DNAAF9: variants seen among roughly 807,000 people sequenced by gnomAD.
DNAAF9 encodes the protein shulin.
DNAAF9 carries 90 observed loss-of-function variants against 167.0 expected under a neutral mutation model. That is an observed-to-expected ratio of 0.54 (90% CI 0.45 to 0.64). The LOEUF (loss-of-function observed/expected upper bound fraction) is 0.64, where lower values mean the gene tolerates loss of function less well. DNAAF9 is among the 30% of genes least tolerant of loss of function. The pLI is 0.00. For synonymous variants in DNAAF9, 491 were observed against 508.8 expected, an observed-to-expected ratio of 0.96 and a Z score of 0.47; for missense variants, 1,315 against 1,442.2, an observed-to-expected ratio of 0.91 and a Z score of 1.43.
chr20:3,288,121 G>T (rs1317718276), intron 26 of DNAAF9, among the ~76,000 whole-genome samples: 1 of 152,228 alleles, frequency 6.6e-6, no homozygotes, highest in African/African-American at 2.4e-5. Flanking sequence ...CCATGCAAAA[G>T]ATGGCTTCAG....
chr20:3,368,689 T>C (rs1201516753), intron 6 of DNAAF9, among the ~76,000 whole-genome samples: 1 of 148,282 alleles, frequency 6.7e-6, no homozygotes, highest in African/African-American at 2.5e-5. Flanking sequence ...ATTTTTGTAT[T>C]TTTTTTTTTA....
chr20:3,256,093 G>A lies in DNAAF9; in HGVS notation c.3174C>T (p.Ser1058=), dbSNP rs749641626. Residue 1058 remains serine (S), a synonymous_variant, in exon 34 of 37, where the codon AGC becomes AGT. Transcript: ENST00000252032. ...PDSKSVSQDS[S]GQQECYLVFI... is the part of the protein sequence containing the mutation. ...ACACAAGGTAGCACTCCTGCTGCCC[G>A]CTGCTGTCTTGAGATACGCTTTTGG... 4.3e-6 allele frequency: 7 copies of A among 1,613,948 alleles called. No homozygotes were observed. The South Asian group carries it at 5.5e-5, about 13-fold the overall frequency.
chr20:3,318,446 T>C (rs573295867), intron 16 of DNAAF9, 46 bp from the exon 17 acceptor site: 33 of 936,296 alleles, frequency 3.5e-5, no homozygotes, highest in East Asian at 7.2e-5. Flanking sequence ...AGCCCAAAAC[T>C]TTCAGAGAAG....
chr20:3,370,501 C>T (rs1252553851), intron 6 of DNAAF9, among the ~76,000 whole-genome samples: 2 of 152,068 alleles, frequency 1.3e-5, no homozygotes, highest in Admixed American at 1.3e-4. Context: ...CCTCCACCTC[C>T]CAGGTTCAAG....
chr20:3,279,674 T>C lies in DNAAF9; in HGVS notation c.2613-725A>G, dbSNP rs376753452. Among the ~76,000 whole-genome samples the C allele has an allele frequency of 3.3e-5, 5 of 152,206 alleles. No individual in the cohort carries two copies. In the South Asian group the frequency reaches 1.0e-3, roughly 31 times the overall value. On this transcript the variant is annotated intron_variant, in intron 28 of 36. Transcript: ENST00000252032. ...CTGTGCAGGCAGTTCACAAACATGA[T>C]CTTGCTCTGTCGTCCTGTCTGCTCT... is the stretch of plus-strand genomic sequence containing the variant.
At chr20:3,349,969 C>G (rs546806155) in intron 7 of DNAAF9, among the ~76,000 whole-genome samples, 21 of 152,242 alleles carry the variant, frequency 1.4e-4, no homozygotes, top group Admixed American at 2.6e-4. Context: ...AACTCACTGG[C>G]CAGATCTACG....
chr20:3,295,749 T>G, intron 23 of DNAAF9: 1 of 667,928 alleles, frequency 1.5e-6, no homozygotes, highest in Non-Finnish European at 2.8e-6. Flanking sequence ...GTTGTCCACT[T>G]TATTCTGGAA....
chr20:3,296,756 T>G, intron 23 of DNAAF9, 105 bp downstream of exon 23: 1 of 744,668 alleles, frequency 1.3e-6, no homozygotes, highest in South Asian at 1.7e-5. Context: ...TGTTGACCCT[T>G]TCAGAAGCCA....
chr20:3,397,874 C>T (rs986014619), intron 1 of DNAAF9, among the ~76,000 whole-genome samples: 1 of 152,144 alleles, frequency 6.6e-6, no homozygotes, highest in East Asian at 1.9e-4. Flanking sequence ...TTTTACTTAA[C>T]GATTTTTGCA....
chr20:3,357,815 T>A (rs944404695), intron 7 of DNAAF9, among the ~76,000 whole-genome samples: 2 of 151,436 alleles, frequency 1.3e-5, no homozygotes, highest in African/African-American at 4.9e-5. Flanking sequence ...TTAAGACCAC[T>A]CTGGGCAACA....
chr20:3,336,263 T>TTG (rs1555793463), intron 10 of DNAAF9, among the ~76,000 whole-genome samples: 1 of 135,606 alleles, frequency 7.4e-6, no homozygotes, highest in East Asian at 2.0e-4. Context: ...TTTTTGTTTT[T>TTG]TTTTTTTTTT....
At chr20:3,268,114 C>T (rs1972195) in intron 30 of DNAAF9, among the ~76,000 whole-genome samples, 25,122 of 149,006 alleles carry the variant, frequency 0.17, 2,248 homozygotes, top group Non-Finnish European at 0.19. Flanking sequence ...CTGCAACCTC[C>T]GCCTCCCAGG....
At chr20:3,380,879 A>C (rs1461459617) in intron 3 of DNAAF9, among the ~76,000 whole-genome samples, 1 of 152,282 alleles carries the variant, frequency 6.6e-6, no homozygotes, top group African/African-American at 2.4e-5. Flanking sequence ...ACAGAAATCC[A>C]GCATTGTAGT....
At chr20:3,373,291 T>C (rs1000268730) in intron 6 of DNAAF9, among the ~76,000 whole-genome samples, 9 of 152,194 alleles carry the variant, frequency 5.9e-5, no homozygotes, top group Non-Finnish European at 1.3e-4. Context: ...TAATAGGATG[T>C]CCCCATTTCT....
At chr20:3,311,606 C>T (rs1206556227) in intron 20 of DNAAF9, among the ~76,000 whole-genome samples, 26 of 152,030 alleles carry the variant, frequency 1.7e-4, no homozygotes, top group Admixed American at 1.7e-3. Flanking sequence ...CATGTTCATA[C>T]AAAGGAATAC....
intron 29 of DNAAF9, among the ~76,000 whole-genome samples, chr20:3,274,301 C>T (rs1195594364): frequency 1.3e-5 from 2 of 152,030 alleles, no homozygotes; most frequent in Non-Finnish European, 2.9e-5. Flanking sequence ...CACCACTGCA[C>T]CCGTCTAATT....
intron 29 of DNAAF9, among the ~76,000 whole-genome samples, chr20:3,277,494 C>T (rs1348793862): frequency 6.6e-6 from 1 of 152,094 alleles, no homozygotes; most frequent in Non-Finnish European, 1.5e-5. Flanking sequence ...TGAGACAGCC[C>T]TCCTTGGTTA....
chr20:3,290,089 G>C (rs2068923896), intron 26 of DNAAF9, 40 bp downstream of exon 26: 1 of 1,337,128 alleles, frequency 7.5e-7, no homozygotes, highest in African/African-American at 1.4e-5. Context: ...GCCCAAGTTA[G>C]AATCCCTTTC....
chr20:3,388,140 T>A (rs1001516033), intron 1 of DNAAF9, among the ~76,000 whole-genome samples: 1 of 150,656 alleles, frequency 6.6e-6, no homozygotes, highest in East Asian at 1.9e-4. Flanking sequence ...GCCAAGCACA[T>A]GAAAAGAAAC....
Sources: gnomAD v4.1 joint callset for allele counts (sites outside exome capture counted in the v4.1 genomes callset) on GRCh38, gnomAD v4.1.1 for gene constraint, MANE v1.5 for transcripts, NCBI Gene and HGNC (gene_info 2026-07-23, HGNC 2026-07-21) for gene names.